The following SPART variants were observed in gnomAD, a reference collection of about 807,000 sequenced individuals.
The protein encoded by SPART is spastic paraplegia 20 (Troyer syndrome).
SPART carries 35 observed loss-of-function variants against 58.7 expected under a neutral mutation model. That is an observed-to-expected ratio of 0.60 (90% CI 0.46 to 0.79). SPART has a LOEUF of 0.79. Among genes scored for constraint, SPART ranks in the 30% least tolerant of loss-of-function variants. The pLI is 0.00. For synonymous variants in SPART, 284 were observed against 280.7 expected, an observed-to-expected ratio of 1.01 and a Z score of -0.12; for missense variants, 730 against 786.1, an observed-to-expected ratio of 0.93 and a Z score of 0.85.
chr13:36,338,021 G>T (rs1007576262), intron 1 of SPART, among the ~76,000 whole-genome samples: 1 of 152,150 alleles, frequency 6.6e-6, no homozygotes. Flanking sequence ...TATGGTCAAA[G>T]CATGTGACAA....
chr13:36,316,799 A>T (rs1881764527), intron 5 of SPART, among the ~76,000 whole-genome samples: 1 of 151,894 alleles, frequency 6.6e-6, no homozygotes, highest in Non-Finnish European at 1.5e-5. Flanking sequence ...GGATCAGGGG[A>T]CCTCCCTTAG....
rs755208382 is a variant in SPART, at chr13:36,314,421, C to G, written c.1289G>C (p.Gly430Ala). ...TAAACCCCAACTCACCCAGGAAGCA[C>G]CTTTTTAAAAGAAAATTTAAAATTG... ...SEKVAHNILSGASWVSWGLVK... is the reference protein window; with the variant it reads ...SEKVAHNILSAASWVSWGLVK... The change falls in exon 6 of 9, where the codon GGT (glycine) becomes GCT (alanine). Residue 430 changes from glycine (G) to alanine (A), a missense_variant and splice_region_variant. Coordinates refer to ENST00000438666, the MANE Select transcript of SPART (RefSeq NM_015087.5). 5 of 1,614,008 alleles carry G rather than the reference C, an allele frequency of 3.1e-6. No homozygotes were observed. Among genetic ancestry groups the G allele is most frequent in the Non-Finnish European group, 4.2e-6 (5 of 1,179,970 alleles).
At chr13:36,367,214 G>A (rs1374912408) in intron 1 of SPART, among the ~76,000 whole-genome samples, 7 of 152,146 alleles carry the variant, frequency 4.6e-5, no homozygotes, top group African/African-American at 1.7e-4. Flanking sequence ...ATATGCAAAT[G>A]CTGGCTATCA....
intron 1 of SPART, among the ~76,000 whole-genome samples, chr13:36,368,863 G>T (rs1886168416): frequency 6.6e-6 from 1 of 152,122 alleles, no homozygotes; most frequent in Admixed American, 6.5e-5. Flanking sequence ...GCTGGGTGTG[G>T]TAGCGCTTGC....
chr13:36,331,018 TCA>T (rs1185353618), intron 3 of SPART, among the ~76,000 whole-genome samples: 7 of 152,224 alleles, frequency 4.6e-5, no homozygotes, highest in African/African-American at 1.7e-4. Flanking sequence ...TAGCTAACAT[TCA>T]CAGAGCATAA....
intron 1 of SPART, among the ~76,000 whole-genome samples, chr13:36,340,789 C>T (rs565142027): frequency 1.3e-5 from 2 of 152,274 alleles, no homozygotes; most frequent in South Asian, 4.1e-4. Context: ...AAAAGATCTA[C>T]ACAACTGTGA....
Position 36,314,280 on chromosome 13 carries a change from A to T in SPART, c.1430T>A (p.Leu477His). 1 of 1,614,132 alleles carries T rather than the reference A, an allele frequency of 6.2e-7. No homozygotes were observed. The highest frequency in any genetic ancestry group is 8.5e-7 in the Non-Finnish European group (1 of 1,180,030). Reference sequence around the variant, plus strand: ...TCCTGTAGCTTGCTTCGCTATATAAAGTCCCTTGGTGACAGCTGGACTAAC... The same window carrying T: ...TCCTGTAGCTTGCTTCGCTATATAATGTCCCTTGGTGACAGCTGGACTAAC... The part of the protein sequence containing the change: ...VEVSPAVTKG[L>H]YIAKQATGGA... The change falls in exon 6 of 9, where the codon CTT (leucine) becomes CAT (histidine). Residue 477 changes from leucine to histidine, a missense_variant. Physicochemically the swap from Leu to His is moderately conservative, Grantham distance 99 (BLOSUM62 -3). Coordinates refer to ENST00000438666, the MANE Select transcript of SPART (RefSeq NM_015087.5).
chr13:36,309,769 T>C (rs761785607), intron 8 of SPART, among the ~76,000 whole-genome samples: 2 of 152,166 alleles, frequency 1.3e-5, no homozygotes, highest in African/African-American at 2.4e-5. Flanking sequence ...AGACCATCTA[T>C]TGGGTACTAT....
At position 36,302,757 on chromosome 13, in the gene SPART, T is replaced by C. The variant is rs564751393; in HGVS notation, c.*1608A>G. ...GTTACAAACGTCCCAATTACACTCT[T>C]TTATTTTTAAATGTATAAAGTTATT... On this transcript the variant is annotated 3_prime_UTR_variant, in exon 9 of 9. Coordinates refer to ENST00000438666, the MANE Select transcript of SPART (RefSeq NM_015087.5). 6 of 152,288 alleles carry C rather than the reference T, an allele frequency of 3.9e-5. No homozygotes were observed. The East Asian group carries it at 1.2e-3, about 29-fold the overall frequency. 9.4% of individuals were successfully genotyped at this position (152,288 alleles called of 1,614,324 possible).
chr13:36,320,409 C>T (rs1354659574), intron 5 of SPART, among the ~76,000 whole-genome samples: 1 of 152,158 alleles, frequency 6.6e-6, no homozygotes, highest in East Asian at 1.9e-4. Flanking sequence ...GTTCCTTACC[C>T]TGATCACGCT....
At chr13:36,313,760 G>A (rs1030343690) in intron 6 of SPART, among the ~76,000 whole-genome samples, 2 of 152,134 alleles carry the variant, frequency 1.3e-5, no homozygotes, top group African/African-American at 2.4e-5. Flanking sequence ...GAGTGGCAAC[G>A]TTTAGGTTTG....
At position 36,303,223 on chromosome 13, in the gene SPART, C is replaced by A. The variant is rs1880161004; in HGVS notation, c.*1142G>T. On this transcript the variant is annotated 3_prime_UTR_variant, in exon 9 of 9. Transcript: ENST00000438666. The stretch of plus-strand genomic sequence containing the variant: ...TCTAATTAAGTAGCCACTAGAAGAT[C>A]AGAAATTATTAGAATGGACTACAGC... 2 of 152,084 alleles carry A rather than the reference C, an allele frequency of 1.3e-5. No individual in the cohort carries two copies. Among genetic ancestry groups the A allele is most frequent in the South Asian group, 2.1e-4 (1 of 4,828 alleles). 9.4% of individuals were successfully genotyped at this position (152,084 alleles called of 1,614,324 possible). A position where few individuals can be genotyped will look rare whatever the true frequency, so the allele number is the denominator to read the frequency against.
intron 5 of SPART, among the ~76,000 whole-genome samples, chr13:36,316,867 G>A (rs1881771864): frequency 6.6e-6 from 1 of 152,094 alleles, no homozygotes; most frequent in African/African-American, 2.4e-5. Flanking sequence ...TACAACCTCA[G>A]GTCCTAAGAC....
chr13:36,332,052 A>C (rs1224992168), intron 2 of SPART, among the ~76,000 whole-genome samples: 1 of 152,004 alleles, frequency 6.6e-6, no homozygotes, highest in Non-Finnish European at 1.5e-5. Flanking sequence ...GAAATCAGTT[A>C]CTATTATTGT....
At chr13:36,315,865 A>T (rs977108907) in intron 5 of SPART, among the ~76,000 whole-genome samples, 10 of 152,258 alleles carry the variant, frequency 6.6e-5, no homozygotes, top group Non-Finnish European at 1.3e-4. Context: ...ACAGGGATGA[A>T]GTCAAATGAT....
intron 8 of SPART, among the ~76,000 whole-genome samples, chr13:36,310,369 G>C (rs975176266): frequency 2.0e-5 from 3 of 151,544 alleles, no homozygotes; most frequent in African/African-American, 7.3e-5. Context: ...TTATTTTTTA[G>C]ACCTTGATTC....
chr13:36,348,535 A>G (rs1885284222), upstream of SPART, among the ~76,000 whole-genome samples: 1 of 152,230 alleles, frequency 6.6e-6, no homozygotes, highest in Non-Finnish European at 1.5e-5. Context: ...AGGTCAACAT[A>G]CAGAAATCAA....
intron 4 of SPART, 56 bp from the exon 5 acceptor site, chr13:36,326,754 T>C: frequency 6.3e-7 from 1 of 1,586,608 alleles, no homozygotes; most frequent in South Asian, 1.1e-5. Context: ...GGGGGAAAAC[T>C]GTAAGCATTA....
At chr13:36,341,907 TGTGTCATAA>T (rs1884623161) in intron 1 of SPART, among the ~76,000 whole-genome samples, 4 of 152,226 alleles carry the variant, frequency 2.6e-5, no homozygotes, top group African/African-American at 9.6e-5. Context: ...ACTATCCTGT[TGTGTCATAA>T]GATTGCCACA....
Sources: allele counts gnomAD v4.1 joint callset (sites outside exome capture counted in the v4.1 genomes callset), GRCh38; gene constraint gnomAD v4.1.1; transcripts MANE v1.5; gene names NCBI Gene and HGNC (gene_info 2026-07-23, HGNC 2026-07-21).